Variants in SPTLC2 observed in about 807,000 individuals in gnomAD.
SPTLC2 encodes the protein serine palmitoyltransferase 2.
A neutral mutation model predicts 62.0 loss-of-function variants in SPTLC2; 21 were observed. The ratio of observed to expected loss-of-function variants is 0.34; its 90% confidence interval spans 0.24 to 0.49. The LOEUF (loss-of-function observed/expected upper bound fraction) is 0.49. SPTLC2 is among the 20% of genes least tolerant of loss of function. The probability of loss-of-function intolerance (pLI) is 0.99; values close to 1 mark genes in which losing one functional copy is unlikely to be tolerated. For missense variants in SPTLC2, 511 were observed against 713.0 expected (o/e 0.72, Z 3.23); for synonymous variants, 261 against 261.8 (o/e 1.00, Z 0.03).
intron 1 of SPTLC2, among the ~76,000 whole-genome samples, chr14:77,613,785 TC>T (rs960209766): frequency 1.3e-5 from 2 of 152,054 alleles, no homozygotes; most frequent in Admixed American, 1.3e-4. Context: ...TGGCAACATT[TC>T]CCCCCCAGAA....
chr14:77,601,954 C>T (rs1566792590), intron 1 of SPTLC2, among the ~76,000 whole-genome samples: 1 of 152,238 alleles, frequency 6.6e-6, no homozygotes, highest in African/African-American at 2.4e-5. Context: ...GGATGCCTCT[C>T]TGATTATTCA....
intron 5 of SPTLC2, among the ~76,000 whole-genome samples, chr14:77,569,020 C>T (rs1385754403): frequency 3.8e-4 from 58 of 152,162 alleles, no homozygotes; most frequent in Non-Finnish European, 4.4e-5. Context: ...ACATGCTTAG[C>T]GTTCCAATAA....
rs1320282462 is a variant in SPTLC2 at position 77,591,678 on chromosome 14, TAAG to T, written c.327+5505_327+5507del. 3.7e-5 allele frequency among the ~76,000 whole-genome samples: 5 copies of T among 135,044 alleles called. 1 individual carries two copies. In the Admixed American group the frequency reaches 3.7e-4, roughly 10 times the overall value. 88.6% of individuals were successfully genotyped at this position (135,044 alleles called of 152,430 possible). A position where few individuals can be genotyped will look rare whatever the true frequency, so the allele number is the denominator to read the frequency against. On this transcript the variant is annotated intron_variant, in intron 2 of 11. Transcript: ENST00000216484. The stretch of plus-strand genomic sequence containing the variant: ...CAGGTTCAGATGATTCTGGGGGAGC[TAAG>T]TAGTGCTCTTCTGTATGTATGTATG...
At chr14:77,545,916 A>G (rs185254515) in intron 9 of SPTLC2, among the ~76,000 whole-genome samples, 133 of 152,310 alleles carry the variant, frequency 8.7e-4, no homozygotes, top group Non-Finnish European at 1.1e-3. Flanking sequence ...TAGACACACC[A>G]TGTTGCAAAA....
intron 9 of SPTLC2, among the ~76,000 whole-genome samples, chr14:77,549,588 T>G (rs575813341): frequency 6.6e-6 from 1 of 152,284 alleles, no homozygotes; most frequent in South Asian, 2.1e-4. Flanking sequence ...TTCCAGACAC[T>G]TGAGTCTTCC....
chr14:77,560,271 T>C (rs1482739929), intron 6 of SPTLC2, among the ~76,000 whole-genome samples: 2 of 152,088 alleles, frequency 1.3e-5, no homozygotes, highest in African/African-American at 4.8e-5. Context: ...TCAATCTAAA[T>C]GTCCATCAAC....
intron 4 of SPTLC2, among the ~76,000 whole-genome samples, chr14:77,572,286 A>G (rs1428507483): frequency 1.3e-5 from 2 of 152,170 alleles, no homozygotes; most frequent in African/African-American, 4.8e-5. Flanking sequence ...TCATCACAAA[A>G]CAACTGGATA....
chr14:77,514,984 C>T (rs537772196), intron 11 of SPTLC2, among the ~76,000 whole-genome samples: 2 of 152,346 alleles, frequency 1.3e-5, no homozygotes, highest in South Asian at 2.1e-4. Flanking sequence ...CACTCTTCTG[C>T]ATCCAGCTGA....
chr14:77,557,204 C>T (rs991907263), intron 6 of SPTLC2, 58 bp from the exon 7 acceptor site: 21 of 1,395,974 alleles, frequency 1.5e-5, no homozygotes, highest in South Asian at 4.6e-5. Flanking sequence ...AACTTTATTC[C>T]GGAAATGCAG....
intron 5 of SPTLC2, among the ~76,000 whole-genome samples, chr14:77,566,938 T>G (rs539729003): frequency 7.2e-5 from 11 of 152,298 alleles, no homozygotes; most frequent in African/African-American, 2.4e-4. Context: ...TAAACAATAT[T>G]TAATAATATT....
intron 6 of SPTLC2, 47 bp downstream of exon 6, chr14:77,562,349 A>T: frequency 1.3e-6 from 2 of 1,553,242 alleles, no homozygotes; most frequent in Non-Finnish European, 1.8e-6. Context: ...CATGGATCGA[A>T]AGAATAGCAA....
chr14:77,605,534 G>A (rs144311639), intron 1 of SPTLC2, among the ~76,000 whole-genome samples: 40 of 152,346 alleles, frequency 2.6e-4, no homozygotes, highest in African/African-American at 9.4e-4. Context: ...AGAGGGAGAA[G>A]AGGCCTCTCT....
intron 6 of SPTLC2, among the ~76,000 whole-genome samples, chr14:77,558,708 G>A (rs761749589): frequency 1.7e-4 from 25 of 149,688 alleles, no homozygotes; most frequent in Non-Finnish European, 2.7e-4. Context: ...TGAAACCTCC[G>A]CCTCCTGGAT....
intron 9 of SPTLC2, among the ~76,000 whole-genome samples, chr14:77,534,739 T>TA (rs2140003861): frequency 6.6e-6 from 1 of 152,124 alleles, no homozygotes; most frequent in East Asian, 1.9e-4. Context: ...CAGATGTCAT[T>TA]AAAAAAACAT....
At chr14:77,567,630 T>C (rs541166294) in intron 5 of SPTLC2, among the ~76,000 whole-genome samples, 1 of 152,366 alleles carries the variant, frequency 6.6e-6, no homozygotes, top group South Asian at 2.1e-4. Context: ...ATGCACCTTA[T>C]CTCTTCTTAT....
At chr14:77,524,111 C>G (rs1218253488) in intron 9 of SPTLC2, among the ~76,000 whole-genome samples, 1 of 152,090 alleles carries the variant, frequency 6.6e-6, no homozygotes, top group East Asian at 1.9e-4. Flanking sequence ...CAAATGATTG[C>G]TAAGGCAACA....
chr14:77,570,772 T>C (rs2079677539), intron 4 of SPTLC2, among the ~76,000 whole-genome samples: 1 of 152,180 alleles, frequency 6.6e-6, no homozygotes, highest in Non-Finnish European at 1.5e-5. Flanking sequence ...ATTTCTCCCA[T>C]TCCTGTTTGT....
chr14:77,561,385 G>A (rs910356050), intron 6 of SPTLC2, among the ~76,000 whole-genome samples: 1 of 152,130 alleles, frequency 6.6e-6, no homozygotes, highest in Admixed American at 6.6e-5. Flanking sequence ...CAAGGCGGGA[G>A]GATCAACTGA....
chr14:77,554,521 C>T (rs1014656897), intron 8 of SPTLC2, among the ~76,000 whole-genome samples: 3 of 152,144 alleles, frequency 2.0e-5, no homozygotes, highest in Non-Finnish European at 4.4e-5. Context: ...CTTTTTGTGA[C>T]TTTTTTCACT....
Sources: allele counts gnomAD v4.1 joint callset (sites outside exome capture counted in the v4.1 genomes callset), GRCh38; gene constraint gnomAD v4.1.1; transcripts MANE v1.5; gene names NCBI Gene and HGNC (gene_info 2026-07-23, HGNC 2026-07-21).